BICC1: variants seen among roughly 807,000 people sequenced by gnomAD.
BICC1 encodes the protein BicC family RNA binding protein 1.
A neutral mutation model predicts 111.0 loss-of-function variants in BICC1; 43 were observed. The observed-to-expected ratio is 0.39, with a 90% confidence interval of 0.30 to 0.50. BICC1 has a LOEUF of 0.50. BICC1 is among the 20% of genes least tolerant of loss of function. The pLI, the probability that BICC1 is intolerant of heterozygous loss-of-function variation, is 0.88. For missense variants in BICC1, 1,091 were observed against 1,203.2 expected (o/e 0.91, Z 1.38); for synonymous variants, 467 against 434.4 (o/e 1.07, Z -0.93).
At chr10:58,684,270 A>G (rs7088529) in intron 2 of BICC1, among the ~76,000 whole-genome samples, 147,758 of 152,240 alleles carry the variant, frequency 0.97, 71,872 homozygotes, top group Middle Eastern at 1. Flanking sequence ...TGCTGGATTC[A>G]GTTTGCCAGT....
intron 17 of BICC1, among the ~76,000 whole-genome samples, chr10:58,808,227 G>C (rs1251306761): frequency 2.0e-5 from 3 of 152,088 alleles, no homozygotes; most frequent in African/African-American, 7.2e-5. Flanking sequence ...GCAGAATGTA[G>C]GAACCATTAT....
At chr10:58,640,295 A>G (rs1838084350) in intron 2 of BICC1, among the ~76,000 whole-genome samples, 1 of 152,186 alleles carries the variant, frequency 6.6e-6, no homozygotes, top group South Asian at 2.1e-4. Flanking sequence ...AAAAGGTGTC[A>G]GTTGTATAGG....
chr10:58,804,849 A>T (rs1843661623), intron 15 of BICC1, among the ~76,000 whole-genome samples: 1 of 152,246 alleles, frequency 6.6e-6, no homozygotes, highest in African/African-American at 2.4e-5. Context: ...ATTGACAGGG[A>T]GAAAGATTGA....
At chr10:58,527,429 G>A (rs1049193975) in intron 1 of BICC1, among the ~76,000 whole-genome samples, 2 of 152,134 alleles carry the variant, frequency 1.3e-5, no homozygotes, top group African/African-American at 4.8e-5. Flanking sequence ...AGTTTAATTA[G>A]ATCCCATTTG....
Position 58,817,656 on chromosome 10 carries a change from T to C in BICC1, c.2628T>C (p.Ser876=). Residue 876 remains serine (S), a synonymous_variant, in exon 19 of 21, where the codon TCT becomes TCC. Coordinates refer to ENST00000373886, the MANE Select transcript of BICC1 (RefSeq NM_001080512.3). The part of the protein sequence containing the change: ...GCNLNSSFKG[S]DLPELFSKLG... ...ACTTAAATAGCTCTTTCAAAGGTTCTGACCTCCCTGAGCTCTTCAGCAAAC... is the reference window on the plus strand; with the variant it reads ...ACTTAAATAGCTCTTTCAAAGGTTCCGACCTCCCTGAGCTCTTCAGCAAAC... 6.2e-7 allele frequency: 1 copy of C among 1,613,572 alleles called. No homozygotes were observed. Among genetic ancestry groups the C allele is most frequent in the South Asian group, 1.1e-5 (1 of 91,056 alleles).
chr10:58,708,002 A>ATTTTTTTTTT (rs71467049), intron 3 of BICC1, among the ~76,000 whole-genome samples: 1 of 108,364 alleles, frequency 9.2e-6, no homozygotes, highest in African/African-American at 3.6e-5. Flanking sequence ...TAGCCAGCTA[A>ATTTTTTTTTT]TTTTTTTTTT....
At chr10:58,637,096 T>C (rs1837975214) in intron 2 of BICC1, among the ~76,000 whole-genome samples, 1 of 152,210 alleles carries the variant, frequency 6.6e-6, no homozygotes, top group Admixed American at 6.5e-5. Flanking sequence ...TTGGGGATAC[T>C]ACTTTCTTGA....
intron 3 of BICC1, among the ~76,000 whole-genome samples, chr10:58,764,492 A>G (rs924073007): frequency 1.2e-4 from 19 of 152,192 alleles, no homozygotes; most frequent in African/African-American, 3.6e-4. Context: ...GTAAGGCAGT[A>G]AAAGTATATA....
chr10:58,534,543 A>G (rs548442563), intron 1 of BICC1, among the ~76,000 whole-genome samples: 2 of 151,884 alleles, frequency 1.3e-5, no homozygotes, highest in East Asian at 1.9e-4. Context: ...ATAAATTATA[A>G]ACATTAAAGT....
chr10:58,756,626 C>CTTTTTTTTT (rs66709538), intron 3 of BICC1, among the ~76,000 whole-genome samples: 1 of 135,888 alleles, frequency 7.4e-6, no homozygotes, highest in African/African-American at 3.0e-5. Context: ...AACTACTAGC[C>CTTTTTTTTT]TTTTTTTTTT....
chr10:58,561,190 T>C (rs1843593522), intron 1 of BICC1, among the ~76,000 whole-genome samples: 2 of 152,186 alleles, frequency 1.3e-5, no homozygotes, highest in South Asian at 4.1e-4. Context: ...TATAATAATA[T>C]TTAGATCTAT....
chr10:58,643,415 T>C (rs1298123007), intron 2 of BICC1, among the ~76,000 whole-genome samples: 1 of 152,234 alleles, frequency 6.6e-6, no homozygotes, highest in Non-Finnish European at 1.5e-5. Flanking sequence ...TCCTCTTTAG[T>C]TGTCAATCAC....
intron 1 of BICC1, among the ~76,000 whole-genome samples, chr10:58,551,339 T>G (rs1328774458): frequency 6.6e-6 from 1 of 152,158 alleles, no homozygotes; most frequent in Non-Finnish European, 1.5e-5. Context: ...GCTGCAAAAC[T>G]TTTATTATTT....
chr10:58,754,530 C>CT (rs1341052390), intron 3 of BICC1, among the ~76,000 whole-genome samples: 1 of 152,194 alleles, frequency 6.6e-6, no homozygotes, highest in Admixed American at 6.5e-5. Context: ...GGAGAAAAGT[C>CT]TAAAGTCTCT....
At chr10:58,703,672 A>C (rs1028254965) in intron 3 of BICC1, among the ~76,000 whole-genome samples, 1 of 152,328 alleles carries the variant, frequency 6.6e-6, no homozygotes, top group South Asian at 2.1e-4. Context: ...CAGAAGAAGA[A>C]ACTGCCGTTC....
chr10:58,830,935 T>G lies in BICC1; in HGVS notation c.*2044T>G, dbSNP rs1403156608. 1 of 152,200 alleles carries G rather than the reference T, an allele frequency of 6.6e-6. No individual in the cohort carries two copies. Among genetic ancestry groups the G allele is most frequent in the Non-Finnish European group, 1.5e-5 (1 of 68,036 alleles). The allele number at this position is 152,200 out of a possible 1,614,324, so 9.4% of individuals were successfully genotyped here. ...ATGTTGTTATGCTTTTAATAAGACC[T>G]TCCCAGATAATAATCTTGGAGCTCT... On this transcript the variant is annotated 3_prime_UTR_variant, in exon 21 of 21. Coordinates refer to ENST00000373886, the MANE Select transcript of BICC1 (RefSeq NM_001080512.3).
intron 1 of BICC1, among the ~76,000 whole-genome samples, chr10:58,557,228 T>C (rs1191754075): frequency 6.6e-6 from 1 of 152,112 alleles, no homozygotes; most frequent in Non-Finnish European, 1.5e-5. Context: ...TGATGAGAAA[T>C]TGGCCATCAA....
chr10:58,746,580 T>C (rs937680263), intron 3 of BICC1, among the ~76,000 whole-genome samples: 42 of 152,244 alleles, frequency 2.8e-4, no homozygotes, highest in Middle Eastern at 3.4e-3. Flanking sequence ...TGAGAAACAC[T>C]AAGGCTGCTC....
intron 3 of BICC1, among the ~76,000 whole-genome samples, chr10:58,770,140 AT>A (rs1181026597): frequency 6.6e-6 from 1 of 152,076 alleles, no homozygotes; most frequent in East Asian, 1.9e-4. Context: ...CCTTTGCTAT[AT>A]TTTCTAATAT....
Sources: gnomAD v4.1 joint callset for allele counts (sites outside exome capture counted in the v4.1 genomes callset) on GRCh38, gnomAD v4.1.1 for gene constraint, MANE v1.5 for transcripts, NCBI Gene and HGNC (gene_info 2026-07-23, HGNC 2026-07-21) for gene names.